The following CADM2 variants were observed in gnomAD, a reference collection of about 807,000 sequenced individuals.
The protein encoded by CADM2 is cell adhesion molecule 2.
A neutral mutation model predicts 49.8 loss-of-function variants in CADM2; 12 were observed. That is an observed-to-expected ratio of 0.24 (90% confidence interval 0.15 to 0.39). The LOEUF (loss-of-function observed/expected upper bound fraction) is 0.39, where lower values mean the gene tolerates loss of function less well. Among genes scored for constraint, CADM2 ranks in the 10% least tolerant of loss-of-function variants. The pLI, the probability that CADM2 is intolerant of heterozygous loss-of-function variation, is 1.00. For synonymous variants in CADM2, 214 were observed against 175.4 expected (o/e 1.22, Z -1.74); for missense variants, 378 against 492.3 (o/e 0.77, Z 2.20).
At chr3:86,062,452 C>T (rs1738774636) in intron 8 of CADM2, among the ~76,000 whole-genome samples, 1 of 152,002 alleles carries the variant, frequency 6.6e-6, no homozygotes, top group Admixed American at 6.6e-5. Context: ...TTCCCCCACC[C>T]CCTCACCCCG....
intron 1 of CADM2, among the ~76,000 whole-genome samples, chr3:85,253,502 T>A (rs2042819414): frequency 6.6e-6 from 1 of 152,088 alleles, no homozygotes; most frequent in Non-Finnish European, 1.5e-5. Flanking sequence ...CTATTTGTAG[T>A]TTCCTCAACC....
intron 5 of CADM2, among the ~76,000 whole-genome samples, chr3:85,905,565 G>A (rs761883998): frequency 4.0e-5 from 6 of 151,812 alleles, no homozygotes; most frequent in South Asian, 2.1e-4. Flanking sequence ...TGTACCCAGC[G>A]TCTAAAACCT....
At chr3:85,702,014 A>AGAT (rs1553667225) in intron 1 of CADM2, among the ~76,000 whole-genome samples, 1 of 149,200 alleles carries the variant, frequency 6.7e-6, no homozygotes, top group African/African-American at 2.5e-5. Context: ...ATAGATAGAT[A>AGAT]GATAGTTGAT....
rs555405803 is a variant in CADM2, at chr3:85,768,734, CAT to C, written c.89-33307_89-33306del. ...TATACACACATATAGTATATATACA[CAT>C]ATATACACATATATACATATATAGT... On this transcript the variant is annotated intron_variant, in intron 2 of 9. Transcript: ENST00000383699. 3.9e-4 allele frequency among the ~76,000 whole-genome samples: 52 copies of C among 132,654 alleles called. 2 individuals carry two copies. The East Asian group carries it at 9.0e-3, about 23-fold the overall frequency. The allele number at this position is 132,654 out of a possible 152,430, so 87.0% of individuals were successfully genotyped here.
chr3:85,471,702 T>TATTTTATTTTATTTTATTTC, intron 1 of CADM2, among the ~76,000 whole-genome samples: 1 of 150,426 alleles, frequency 6.6e-6, no homozygotes, highest in East Asian at 1.9e-4. Flanking sequence ...TATTTTATTT[T>TATTTTATTTTATTTTATTTC]ATTTTATTTT....
chr3:85,659,080 T>TAAG (rs1194438998), intron 1 of CADM2, among the ~76,000 whole-genome samples: 6 of 148,764 alleles, frequency 4.0e-5, no homozygotes, highest in African/African-American at 1.5e-4. Flanking sequence ...ATAATAATAA[T>TAAG]AATAACAATA....
chr3:85,408,127 T>C (rs918832559), intron 1 of CADM2, among the ~76,000 whole-genome samples: 1 of 151,538 alleles, frequency 6.6e-6, no homozygotes, highest in African/African-American at 2.4e-5. Context: ...GAAGTATAGA[T>C]AGCAAGAAAA....
chr3:85,537,428 A>G (rs2061446336), intron 1 of CADM2, among the ~76,000 whole-genome samples: 1 of 152,086 alleles, frequency 6.6e-6, no homozygotes, highest in Non-Finnish European at 1.5e-5. Flanking sequence ...TGTAAAGAAT[A>G]TATGTTAAAA....
chr3:85,354,416 A>C (rs556507550), intron 1 of CADM2, among the ~76,000 whole-genome samples: 24 of 150,796 alleles, frequency 1.6e-4, no homozygotes, highest in Admixed American at 8.6e-4. Context: ...TGACGAGTTA[A>C]TGGGTGCAGC....
intron 1 of CADM2, among the ~76,000 whole-genome samples, chr3:85,174,053 A>G (rs906585944): frequency 2.6e-5 from 4 of 152,008 alleles, no homozygotes; most frequent in African/African-American, 7.2e-5. Flanking sequence ...CTGACTTCTG[A>G]TTCTCTTGTT....
intron 1 of CADM2, among the ~76,000 whole-genome samples, chr3:85,523,429 A>G (rs1363838656): frequency 6.6e-6 from 1 of 152,166 alleles, no homozygotes; most frequent in East Asian, 1.9e-4. Flanking sequence ...GGCAGTTTGA[A>G]CAGGAAAATA....
chr3:85,101,203 G>A (rs1326785132), intron 1 of CADM2, among the ~76,000 whole-genome samples: 6 of 152,092 alleles, frequency 3.9e-5, no homozygotes, highest in East Asian at 1.9e-4. Flanking sequence ...GCAGTGAGCC[G>A]AGAGCGCACC....
intron 1 of CADM2, among the ~76,000 whole-genome samples, chr3:85,640,066 G>C (rs1193913768): frequency 5.3e-5 from 8 of 152,180 alleles, no homozygotes; most frequent in Admixed American, 5.2e-4. Context: ...TATGTTAGCT[G>C]CTTTGAGAGG....
intron 1 of CADM2, among the ~76,000 whole-genome samples, chr3:85,661,193 A>G (rs894031516): frequency 6.6e-6 from 1 of 152,022 alleles, no homozygotes; most frequent in Admixed American, 6.6e-5. Flanking sequence ...ACATCAACAC[A>G]TAGGCTTTCT....
intron 1 of CADM2, among the ~76,000 whole-genome samples, chr3:85,007,532 T>C (rs987349945): frequency 1.3e-5 from 2 of 152,146 alleles, no homozygotes; most frequent in Non-Finnish European, 2.9e-5. Flanking sequence ...TTAATTGTGA[T>C]AGTAATAAAG....
At chr3:85,675,141 G>T (rs949047582) in intron 1 of CADM2, among the ~76,000 whole-genome samples, 1 of 152,058 alleles carries the variant, frequency 6.6e-6, no homozygotes, top group Non-Finnish European at 1.5e-5. Context: ...AAGTATCCGT[G>T]TGCCACTTTT....
At chr3:85,480,432 A>G (rs1576629720) in intron 1 of CADM2, among the ~76,000 whole-genome samples, 1 of 151,992 alleles carries the variant, frequency 6.6e-6, no homozygotes, top group East Asian at 1.9e-4. Flanking sequence ...GCAAGTTACC[A>G]TGTGCCTCAC....
At chr3:85,803,400 G>C (rs971071567) in intron 3 of CADM2, among the ~76,000 whole-genome samples, 2 of 151,992 alleles carry the variant, frequency 1.3e-5, no homozygotes, top group African/African-American at 4.8e-5. Flanking sequence ...TACATTAAAA[G>C]GGGACAAGTG....
At chr3:85,878,939 C>A (rs1712331045) in intron 3 of CADM2, among the ~76,000 whole-genome samples, 1 of 151,874 alleles carries the variant, frequency 6.6e-6, no homozygotes, top group African/African-American at 2.4e-5. Context: ...TACAGTATCA[C>A]AGCAGGAATT....
Sources: gnomAD v4.1 joint callset for allele counts (sites outside exome capture counted in the v4.1 genomes callset) on GRCh38, gnomAD v4.1.1 for gene constraint, MANE v1.5 for transcripts, NCBI Gene and HGNC (gene_info 2026-07-23, HGNC 2026-07-21) for gene names.